The following NTM variants were observed in gnomAD, a reference collection of about 807,000 sequenced individuals.
NTM encodes the protein IgLON family member 2.
Under a neutral mutation model 42.1 loss-of-function variants are expected in NTM, and 13 were observed. The observed-to-expected ratio is 0.31, with a 90% CI of 0.20 to 0.49. NTM has a LOEUF of 0.49. Among genes scored for constraint, NTM ranks in the 20% least tolerant of loss-of-function variants. The probability of loss-of-function intolerance (pLI) is 0.99; values close to 1 mark genes in which losing one functional copy is unlikely to be tolerated. For missense variants in NTM, 373 were observed against 452.8 expected (o/e 0.82, Z 1.60); for synonymous variants, 187 against 179.2 (o/e 1.04, Z -0.35).
chr11:131,453,802 C>T (rs1048616691), intron 1 of NTM, among the ~76,000 whole-genome samples: 7 of 140,548 alleles, frequency 5.0e-5, no homozygotes, highest in Non-Finnish European at 4.7e-5. Flanking sequence ...CTGGGGAGGA[C>T]GGTGTGATAA....
intron 1 of NTM, among the ~76,000 whole-genome samples, chr11:131,500,977 C>A (rs1182267871): frequency 1.3e-5 from 2 of 151,604 alleles, no homozygotes; most frequent in African/African-American, 2.4e-5. Flanking sequence ...TTTTCTTAAT[C>A]CTGGATTAAG....
At chr11:131,825,514 C>T (rs181935792) in intron 1 of NTM, among the ~76,000 whole-genome samples, 1 of 152,212 alleles carries the variant, frequency 6.6e-6, no homozygotes, top group Non-Finnish European at 1.5e-5. Context: ...TCTTTATCCT[C>T]AGATTTTGAG....
chr11:131,888,348 G>A (rs1049148732), intron 1 of NTM, among the ~76,000 whole-genome samples: 1 of 152,118 alleles, frequency 6.6e-6, no homozygotes, highest in Non-Finnish European at 1.5e-5. Flanking sequence ...CACCCGGCCT[G>A]TTTTGGAGAG....
chr11:132,036,826 T>G (rs904975933), intron 2 of NTM, among the ~76,000 whole-genome samples: 1 of 152,172 alleles, frequency 6.6e-6, no homozygotes, highest in Non-Finnish European at 1.5e-5. Context: ...TCTGAAGATG[T>G]CTAACATAGG....
At chr11:131,721,139 A>G (rs1398269697) in intron 1 of NTM, among the ~76,000 whole-genome samples, 1 of 151,280 alleles carries the variant, frequency 6.6e-6, no homozygotes, top group Non-Finnish European at 1.5e-5. Context: ...AAAAAAAAAA[A>G]TCTCCTGACA....
At chr11:131,682,896 A>G (rs1459506894) in intron 1 of NTM, among the ~76,000 whole-genome samples, 2 of 151,824 alleles carry the variant, frequency 1.3e-5, no homozygotes, top group Non-Finnish European at 2.9e-5. Flanking sequence ...CCCTCTGCAC[A>G]TTTTACCTAC....
chr11:131,869,023 G>A (rs576524453), intron 1 of NTM, among the ~76,000 whole-genome samples: 11 of 152,110 alleles, frequency 7.2e-5, no homozygotes, highest in Admixed American at 4.6e-4. Flanking sequence ...TGCATTTGAC[G>A]TGGTTTATGG....
At chr11:131,568,076 T>G (rs1424765908) in intron 1 of NTM, among the ~76,000 whole-genome samples, 1 of 152,210 alleles carries the variant, frequency 6.6e-6, no homozygotes, top group Non-Finnish European at 1.5e-5. Context: ...AGTCACAGAA[T>G]CCTCTCGACA....
chr11:131,437,259 T>C (rs1016794441), intron 1 of NTM, among the ~76,000 whole-genome samples: 1 of 152,252 alleles, frequency 6.6e-6, no homozygotes, highest in Admixed American at 6.5e-5. Context: ...ATGTATATTC[T>C]GTTGATTTGG....
intron 2 of NTM, among the ~76,000 whole-genome samples, chr11:132,016,480 C>T (rs1363636566): frequency 6.6e-6 from 1 of 151,702 alleles, no homozygotes; most frequent in Non-Finnish European, 1.5e-5. Flanking sequence ...TTTTCATTTT[C>T]CTTCTTATTG....
At chr11:132,280,773 AC>A (rs976245235) in intron 4 of NTM, among the ~76,000 whole-genome samples, 3 of 152,024 alleles carry the variant, frequency 2.0e-5, no homozygotes, top group African/African-American at 7.2e-5. Flanking sequence ...GGCCTGAGTC[AC>A]CACCCCTGGC....
At chr11:131,375,773 T>C (rs1941888197) in intron 1 of NTM, among the ~76,000 whole-genome samples, 1 of 150,170 alleles carries the variant, frequency 6.7e-6, no homozygotes, top group Non-Finnish European at 1.5e-5. Context: ...CGGTAACCTC[T>C]GAGAACTTTA....
chr11:131,773,878 TG>T, intron 1 of NTM: 1 of 322,502 alleles, frequency 3.1e-6, no homozygotes, highest in Non-Finnish European at 4.5e-6. Flanking sequence ...TTTTATTGCA[TG>T]GTCTGGGTCC....
intron 4 of NTM, among the ~76,000 whole-genome samples, chr11:132,230,532 G>A (rs1333217383): frequency 2.6e-5 from 4 of 152,096 alleles, no homozygotes; most frequent in African/African-American, 9.7e-5. Flanking sequence ...GCTTAATCAG[G>A]GGCATAACGA....
Position 132,146,108 on chromosome 11 carries a change from C to A in NTM, c.168-174C>A, listed in dbSNP as rs2070352568. ...CCGAGCAACATTCTGAGGCTGTAAT[C>A]CCATAAGACCTTTGCTGTGTTCCAG... On this transcript the variant is annotated intron_variant, in intron 2 of 8. Transcript: ENST00000683400. The surrounding 1 kb of genome is among the most constrained non-coding windows in gnomAD (Gnocchi z 4.5). 6.1e-6 allele frequency: 3 copies of A among 492,504 alleles called. No individual in the cohort carries two copies. The highest frequency in any genetic ancestry group is 2.6e-6 in the Non-Finnish European group (1 of 379,996). The allele number at this position is 492,504 out of a possible 1,614,324, so 30.5% of individuals were successfully genotyped here. A position where few individuals can be genotyped will look rare whatever the true frequency, so the allele number is the denominator to read the frequency against.
intron 2 of NTM, among the ~76,000 whole-genome samples, chr11:132,093,811 G>C (rs1410636106): frequency 6.6e-6 from 1 of 152,128 alleles, no homozygotes; most frequent in Non-Finnish European, 1.5e-5. Flanking sequence ...GGTTAGGGTA[G>C]ATTCTCAAAA....
At chr11:131,597,134 TCA>T (rs961732825) in intron 1 of NTM, among the ~76,000 whole-genome samples, 5 of 152,116 alleles carry the variant, frequency 3.3e-5, no homozygotes, top group South Asian at 2.1e-4. Context: ...GGCAACGCCC[TCA>T]CACACACACC....
chr11:132,325,416 A>G (rs2095658405), intron 7 of NTM, among the ~76,000 whole-genome samples: 1 of 152,252 alleles, frequency 6.6e-6, no homozygotes, highest in Admixed American at 6.5e-5. Flanking sequence ...ACATGAATAA[A>G]TGCTCACCAT....
chr11:132,331,383 A>C (rs1307139723), intron 8 of NTM, among the ~76,000 whole-genome samples: 1 of 152,244 alleles, frequency 6.6e-6, no homozygotes, highest in Non-Finnish European at 1.5e-5. Flanking sequence ...AGGAATTCTC[A>C]GTAAGTTGTA....
Sources: allele counts gnomAD v4.1 joint callset (sites outside exome capture counted in the v4.1 genomes callset), GRCh38; gene constraint gnomAD v4.1.1; non-coding constraint Gnocchi (gnomAD v3.1); transcripts MANE v1.5; gene names NCBI Gene and HGNC (gene_info 2026-07-23, HGNC 2026-07-21).